AGBL4: variants seen among roughly 807,000 people sequenced by gnomAD.
AGBL4 encodes the protein cytosolic carboxypeptidase 6.
Under a neutral mutation model 66.4 loss-of-function variants are expected in AGBL4, and 58 were observed. The observed-to-expected ratio is 0.87, with a 90% CI of 0.71 to 1.09. The LOEUF (loss-of-function observed/expected upper bound fraction) is 1.09, where lower values mean the gene tolerates loss of function less well. Among genes scored for constraint, AGBL4 ranks in the 50% least tolerant of loss-of-function variants. The probability of loss-of-function intolerance (pLI) is 0.00; values close to 1 mark genes in which losing one functional copy is unlikely to be tolerated. For missense variants in AGBL4, 579 were observed against 631.0 expected (o/e 0.92, Z 0.88); for synonymous variants, 234 against 222.9 (o/e 1.05, Z -0.44).
intron 3 of AGBL4, among the ~76,000 whole-genome samples, chr1:49,424,365 A>G (rs2148647299): frequency 6.6e-6 from 1 of 152,282 alleles, no homozygotes; most frequent in African/African-American, 2.4e-5. Flanking sequence ...GCCATTATTG[A>G]GGCAGTTATA....
At chr1:49,785,893 A>AAAAATAT (rs1407219283) in intron 2 of AGBL4, among the ~76,000 whole-genome samples, 3 of 140,916 alleles carry the variant, frequency 2.1e-5, no homozygotes, top group African/African-American at 7.8e-5. Flanking sequence ...GGAAAAAAAA[A>AAAAATAT]ATATATATAT....
At chr1:49,855,424 A>G (rs1395698167) in intron 1 of AGBL4, among the ~76,000 whole-genome samples, 2 of 152,196 alleles carry the variant, frequency 1.3e-5, no homozygotes, top group Non-Finnish European at 2.9e-5. Context: ...TTTACAGAAC[A>G]TTTCATCCAA....
intron 4 of AGBL4, among the ~76,000 whole-genome samples, chr1:49,098,697 A>G (rs1175088225): frequency 6.6e-6 from 1 of 152,192 alleles, no homozygotes; most frequent in Non-Finnish European, 1.5e-5. Flanking sequence ...CAGAGAGTTT[A>G]AAGGGGCACC....
chr1:49,947,189 T>C (rs536966608), intron 1 of AGBL4, among the ~76,000 whole-genome samples: 9 of 152,108 alleles, frequency 5.9e-5, no homozygotes, highest in African/African-American at 1.9e-4. Flanking sequence ...CCCTAAATCA[T>C]TCTATGAAGC....
intron 1 of AGBL4, among the ~76,000 whole-genome samples, chr1:49,948,223 A>AAT (rs1175844387): frequency 3.9e-5 from 4 of 103,142 alleles, no homozygotes; most frequent in African/African-American, 1.7e-4. Flanking sequence ...AATATATATA[A>AAT]ATATATATAA....
intron 3 of AGBL4, among the ~76,000 whole-genome samples, chr1:49,672,508 AG>A (rs1477620918): frequency 6.6e-6 from 1 of 152,194 alleles, no homozygotes. Context: ...ATTAAAAAAA[AG>A]AATAACAAAT....
intron 3 of AGBL4, among the ~76,000 whole-genome samples, chr1:49,253,395 C>A (rs75115278): frequency 6.6e-6 from 1 of 152,002 alleles, no homozygotes; most frequent in Non-Finnish European, 1.5e-5. Context: ...GGTGTTATGT[C>A]CCCTATGCAC....
At chr1:49,998,261 C>G (rs1214730474) in intron 1 of AGBL4, among the ~76,000 whole-genome samples, 1 of 152,150 alleles carries the variant, frequency 6.6e-6, no homozygotes. Flanking sequence ...GATATTACAA[C>G]TGATACCACA....
chr1:49,265,780 A>G (rs1233074491), intron 3 of AGBL4, among the ~76,000 whole-genome samples: 1 of 152,186 alleles, frequency 6.6e-6, no homozygotes, highest in African/African-American at 2.4e-5. Flanking sequence ...CAATTTATAG[A>G]TATGTTTCCT....
At chr1:49,684,495 T>G (rs2124571635) in intron 3 of AGBL4, among the ~76,000 whole-genome samples, 1 of 152,194 alleles carries the variant, frequency 6.6e-6, no homozygotes, top group African/African-American at 2.4e-5. Context: ...TAAAAGAAAA[T>G]CCAGCATGAA....
the AGBL4 span, among the ~76,000 whole-genome samples, chr1:48,524,805 A>G: frequency 3.8e-4 from 58 of 152,002 alleles, no homozygotes; most frequent in African/African-American, 1.4e-3. Context: ...CATCATAGTC[A>G]ATTTATCTCT....
chr1:48,619,902 G>A (rs1373308362), intron 9 of AGBL4, among the ~76,000 whole-genome samples: 1 of 152,264 alleles, frequency 6.6e-6, no homozygotes, highest in South Asian at 2.1e-4. Context: ...GTCTGGAATC[G>A]CCCTTGGGGG....
intron 11 of AGBL4, among the ~76,000 whole-genome samples, chr1:48,546,134 G>A (rs911737969): frequency 6.6e-6 from 1 of 152,186 alleles, no homozygotes. Context: ...ATACAGTGTA[G>A]TTACTATCAC....
At chr1:49,193,560 C>T (rs1570013208) in intron 4 of AGBL4, among the ~76,000 whole-genome samples, 1 of 151,144 alleles carries the variant, frequency 6.6e-6, no homozygotes, top group Admixed American at 6.6e-5. Context: ...TGGAGTTTCA[C>T]TCTGTCACTC....
intron 4 of AGBL4, among the ~76,000 whole-genome samples, chr1:49,123,560 A>C (rs534060559): frequency 2.6e-4 from 40 of 152,340 alleles, no homozygotes; most frequent in African/African-American, 9.4e-4. Flanking sequence ...TATGGCAGAT[A>C]ACAAAGGACT....
At chr1:49,875,150 A>G (rs989219594) in intron 1 of AGBL4, among the ~76,000 whole-genome samples, 18 of 141,598 alleles carry the variant, frequency 1.3e-4, no homozygotes, top group African/African-American at 4.5e-4. Flanking sequence ...TATTACTATT[A>G]TTATTATTAT....
At chr1:49,336,714 C>T (rs188336171) in intron 3 of AGBL4, among the ~76,000 whole-genome samples, 1 of 152,298 alleles carries the variant, frequency 6.6e-6, no homozygotes, top group Non-Finnish European at 1.5e-5. Flanking sequence ...ATACTTTGTA[C>T]ATCTTAAGCA....
chr1:49,698,612 T>C (rs1351962306), intron 2 of AGBL4, among the ~76,000 whole-genome samples: 1 of 152,032 alleles, frequency 6.6e-6, no homozygotes, highest in Non-Finnish European at 1.5e-5. Flanking sequence ...CTAGACAATA[T>C]AGCTGTCTAC....
At chr1:49,462,665 G>A (rs879266117) in intron 3 of AGBL4, among the ~76,000 whole-genome samples, 1 of 151,676 alleles carries the variant, frequency 6.6e-6, no homozygotes, top group Admixed American at 6.6e-5. Flanking sequence ...TGATGTTACA[G>A]GGTTACAAAT....
Sources: allele counts gnomAD v4.1 joint callset (sites outside exome capture counted in the v4.1 genomes callset), GRCh38; gene constraint gnomAD v4.1.1; transcripts MANE v1.5; gene names NCBI Gene and HGNC (gene_info 2026-07-23, HGNC 2026-07-21).